Variants in CHCHD3 observed in about 807,000 individuals in gnomAD.
CHCHD3 encodes MICOS complex subunit MIC19.
CHCHD3 carries 20 observed loss-of-function variants against 38.2 expected under a neutral mutation model. That is an observed-to-expected ratio of 0.52 (90% CI 0.37 to 0.76). The LOEUF is 0.76. Among genes scored for constraint, CHCHD3 ranks in the 30% least tolerant of loss-of-function variants. CHCHD3 has a pLI of 0.00. For missense variants in CHCHD3, 245 were observed against 279.2 expected, an observed-to-expected ratio of 0.88 and a Z score of 0.87; for synonymous variants, 82 against 100.0, an observed-to-expected ratio of 0.82 and a Z score of 1.07.
At chr7:132,977,519 T>G (rs972866734) in intron 3 of CHCHD3, among the ~76,000 whole-genome samples, 1 of 152,236 alleles carries the variant, frequency 6.6e-6, no homozygotes, top group Admixed American at 6.5e-5. Flanking sequence ...AACGCATTTG[T>G]ATGGACATCT....
intron 3 of CHCHD3, among the ~76,000 whole-genome samples, chr7:133,009,501 G>T (rs1040597060): frequency 6.6e-6 from 1 of 151,348 alleles, no homozygotes; most frequent in Non-Finnish European, 1.5e-5. Context: ...GCTGAGGGGG[G>T]CACGAGGAGA....
intron 3 of CHCHD3, among the ~76,000 whole-genome samples, chr7:133,013,185 CAAA>C (rs778964079): frequency 1.1e-4 from 2 of 18,420 alleles, no homozygotes; most frequent in Admixed American, 6.6e-4. Flanking sequence ...GACTCCGCCT[CAAA>C]AAAAAAAAAA....
intron 3 of CHCHD3, among the ~76,000 whole-genome samples, chr7:132,982,829 C>G (rs767574450): frequency 1.1e-4 from 16 of 151,928 alleles, no homozygotes; most frequent in Non-Finnish European, 2.1e-4. Context: ...CTGTGTAGAA[C>G]CACATATGTG....
chr7:132,986,645 C>A lies in CHCHD3; in HGVS notation c.252-11359G>T, dbSNP rs533251889. Among the ~76,000 whole-genome samples the A allele has an allele frequency of 8.3e-4, 127 of 152,218 alleles. 3 individuals are homozygous for A. In the South Asian group the frequency reaches 0.026, roughly 31 times the overall value. On this transcript the variant is annotated intron_variant, in intron 3 of 7. Transcript: ENST00000262570. ...AATAGGAGAAGCAGCTTCTGCTGAC[C>A]AAGAAACAGCAAACCAGTTCCCAGA... is the stretch of plus-strand genomic sequence containing the variant.
chr7:133,007,033 T>C (rs1266634504), intron 3 of CHCHD3, among the ~76,000 whole-genome samples: 4 of 152,228 alleles, frequency 2.6e-5, no homozygotes, highest in African/African-American at 7.2e-5. Flanking sequence ...AGTGAGATTA[T>C]AGATGATTTT....
chr7:132,943,744 T>TA (rs1810828400), intron 4 of CHCHD3, among the ~76,000 whole-genome samples: 1 of 152,082 alleles, frequency 6.6e-6, no homozygotes, highest in Admixed American at 6.6e-5. Context: ...GGGGGTCTTA[T>TA]AAAAAATATG....
intron 5 of CHCHD3, among the ~76,000 whole-genome samples, chr7:132,880,398 A>G (rs1351843091): frequency 6.6e-6 from 1 of 152,226 alleles, no homozygotes; most frequent in African/African-American, 2.4e-5. Flanking sequence ...CAGCATGTTA[A>G]TAAGGATGCT....
At chr7:133,028,685 G>A (rs1813414708) in intron 2 of CHCHD3, among the ~76,000 whole-genome samples, 1 of 152,134 alleles carries the variant, frequency 6.6e-6, no homozygotes, top group Non-Finnish European at 1.5e-5. Context: ...AGGAGTTTGA[G>A]ACCAGCCTGA....
intron 4 of CHCHD3, among the ~76,000 whole-genome samples, chr7:132,955,179 TGTGTG>T (rs1562920095): frequency 7.1e-6 from 1 of 141,332 alleles, no homozygotes; most frequent in African/African-American, 2.9e-5. Context: ...AGAGGGTGTG[TGTGTG>T]TGTGTGTGTG....
At chr7:132,873,418 T>C (rs949444048) in intron 5 of CHCHD3, among the ~76,000 whole-genome samples, 1 of 69,494 alleles carries the variant, frequency 1.4e-5, no homozygotes, top group African/African-American at 7.7e-5. Context: ...TGGTAAATTT[T>C]TTTTTTTTTT....
rs57262694 is a variant in CHCHD3, at chr7:132,824,314, C to CTTT, written c.524+14082_524+14084dup. ...AAAAATATTCCCAAGTAGTAGAACT[C>CTTT]TTTTTTTTTTTTTTTTTTTTTTGAG... On this transcript the variant is annotated intron_variant, in intron 6 of 7. Coordinates refer to ENST00000262570, the MANE Select transcript of CHCHD3 (RefSeq NM_017812.4). Among the ~76,000 whole-genome samples the CTTT allele has an allele frequency of 2.2e-3, 194 of 90,096 alleles. 2 individuals carry two copies. The highest frequency in any genetic ancestry group is 3.7e-3 in the African/African-American group (87 of 23,510). 59.1% of individuals were successfully genotyped at this position (90,096 alleles called of 152,430 possible).
At chr7:132,963,241 C>T (rs1811365835) in intron 4 of CHCHD3, among the ~76,000 whole-genome samples, 1 of 145,518 alleles carries the variant, frequency 6.9e-6, no homozygotes, top group African/African-American at 2.5e-5. Flanking sequence ...GAGTCAAGCT[C>T]TTTGTACTAT....
intron 6 of CHCHD3, among the ~76,000 whole-genome samples, chr7:132,800,248 A>C (rs1806754703): frequency 6.6e-6 from 1 of 152,200 alleles, no homozygotes; most frequent in African/African-American, 2.4e-5. Context: ...ATTATTAACT[A>C]CCATTTCTGA....
rs1316249755 is a variant in CHCHD3 at position 133,066,901 on chromosome 7, G to GCTC, written c.169+3238_169+3240dup. ...TCAAGCAGAACATCACTAAAAAGCA[G>GCTC]CTCCTTCATTCCAACTAGTTTCTAT... On this transcript the variant is annotated intron_variant, in intron 2 of 7. Coordinates refer to ENST00000262570, the MANE Select transcript of CHCHD3 (RefSeq NM_017812.4). Among the ~76,000 whole-genome samples the GCTC allele has an allele frequency of 2.0e-5, 3 of 152,286 alleles. No individual in the cohort carries two copies. The East Asian group carries it at 5.8e-4, about 29-fold the overall frequency.
chr7:132,955,311 C>T (rs1463034116), intron 4 of CHCHD3, among the ~76,000 whole-genome samples: 2 of 151,950 alleles, frequency 1.3e-5, no homozygotes, highest in Middle Eastern at 3.2e-3. Context: ...AAAGCAAACA[C>T]CTCTACACTC....
chr7:133,027,561 G>T (rs1813382076), intron 2 of CHCHD3, among the ~76,000 whole-genome samples: 1 of 152,024 alleles, frequency 6.6e-6, no homozygotes, highest in Admixed American at 6.5e-5. Context: ...ACAATCTAGG[G>T]GAACTTTGGG....
chr7:133,072,002 A>T (rs768237679), intron 1 of CHCHD3, among the ~76,000 whole-genome samples: 23 of 152,076 alleles, frequency 1.5e-4, no homozygotes, highest in Non-Finnish European at 2.9e-4. Context: ...AATATTCTAA[A>T]ATTGCATTGT....
At chr7:133,036,918 T>C (rs1238566581) in intron 2 of CHCHD3, among the ~76,000 whole-genome samples, 2 of 152,224 alleles carry the variant, frequency 1.3e-5, no homozygotes, top group African/African-American at 4.8e-5. Flanking sequence ...TGTTGGTTTT[T>C]TTAACCTACA....
At chr7:132,898,179 T>G (rs935688167) in intron 4 of CHCHD3, among the ~76,000 whole-genome samples, 32 of 152,314 alleles carry the variant, frequency 2.1e-4, no homozygotes, top group East Asian at 1.9e-4. Context: ...CAAGATTTAT[T>G]GCAGAGAGCC....
Sources: gnomAD v4.1 joint callset for allele counts (sites outside exome capture counted in the v4.1 genomes callset) on GRCh38, gnomAD v4.1.1 for gene constraint, MANE v1.5 for transcripts, NCBI Gene and HGNC (gene_info 2026-07-23, HGNC 2026-07-21) for gene names.